RBMS3: variants seen among roughly 807,000 people sequenced by gnomAD.
RBMS3 encodes the protein RNA-binding motif, single-stranded-interacting protein 3.
A neutral mutation model predicts 66.8 loss-of-function variants in RBMS3; 27 were observed. That is an observed-to-expected ratio of 0.40 (90% CI 0.30 to 0.56). RBMS3 has a LOEUF of 0.56. Ranked by LOEUF, RBMS3 falls within the 20% of genes least tolerant of loss-of-function variation. RBMS3 has a pLI of 0.40. For synonymous variants in RBMS3, 188 were observed against 183.0 expected (o/e 1.03, Z -0.22); for missense variants, 513 against 549.5 (o/e 0.93, Z 0.66).
At chr3:29,881,349 T>C (rs1340011327) in intron 7 of RBMS3, among the ~76,000 whole-genome samples, 2 of 152,164 alleles carry the variant, frequency 1.3e-5, no homozygotes, top group South Asian at 4.1e-4. Context: ...AATATTTATG[T>C]ATGTGTCTTG....
chr3:29,569,329 C>T (rs1437532338), intron 3 of RBMS3, among the ~76,000 whole-genome samples: 1 of 151,966 alleles, frequency 6.6e-6, no homozygotes, highest in Non-Finnish European at 1.5e-5. Context: ...AGTCATGAAC[C>T]TCCAGCAATT....
In RBMS3 at chr3:29,699,821, C is replaced by T. The variant is rs1411487321; in HGVS notation, c.400-39899C>T. On this transcript the variant is annotated intron_variant, in intron 4 of 14. Transcript: ENST00000383767. ...ACACTAAACCACAGTGCACATGTACCTACATTACCTGTCTGTGTAACCTCC... is the reference window on the plus strand; with the variant it reads ...ACACTAAACCACAGTGCACATGTACTTACATTACCTGTCTGTGTAACCTCC... 5.3e-5 allele frequency among the ~76,000 whole-genome samples: 8 copies of T among 152,240 alleles called. No homozygotes were observed. In the South Asian group the frequency reaches 1.7e-3, roughly 32 times the overall value.
chr3:29,576,842 A>G (rs527650586), intron 3 of RBMS3, among the ~76,000 whole-genome samples: 1 of 152,244 alleles, frequency 6.6e-6, no homozygotes, highest in South Asian at 2.1e-4. Context: ...AGCTTGTGGT[A>G]AATGCTGCCA....
chr3:29,860,900 C>G (rs925798647), intron 6 of RBMS3, among the ~76,000 whole-genome samples: 6 of 152,124 alleles, frequency 3.9e-5, no homozygotes, highest in African/African-American at 1.2e-4. Flanking sequence ...GGCAGAGCCT[C>G]GCTCTGTTGC....
chr3:29,687,044 A>G (rs1450691241), intron 4 of RBMS3, among the ~76,000 whole-genome samples: 1 of 152,196 alleles, frequency 6.6e-6, no homozygotes, highest in Non-Finnish European at 1.5e-5. Flanking sequence ...TAGTACTAGG[A>G]AAGAATGAGG....
chr3:29,391,428 T>C (rs1297258253), intron 1 of RBMS3, among the ~76,000 whole-genome samples: 1 of 152,016 alleles, frequency 6.6e-6, no homozygotes, highest in Admixed American at 6.6e-5. Flanking sequence ...AAGAAACTAT[T>C]CTAAACAAGC....
At chr3:29,830,848 C>T (rs555254007) in intron 6 of RBMS3, among the ~76,000 whole-genome samples, 1 of 152,174 alleles carries the variant, frequency 6.6e-6, no homozygotes, top group South Asian at 2.1e-4. Flanking sequence ...AAACACCCAA[C>T]AGAAAATAGA....
At chr3:29,497,973 ATTTTTTTTTTTTTTTTTTTTTTTT>A (rs779555263) in intron 3 of RBMS3, among the ~76,000 whole-genome samples, 5 of 43,416 alleles carry the variant, frequency 1.2e-4, no homozygotes, top group East Asian at 1.5e-3. Flanking sequence ...AAAAGTATTC[ATTTTTTTTTTTTTTTTTTTTTTTT>A]TTTTTTTTTT....
chr3:29,422,586 A>G (rs548162674), intron 1 of RBMS3, among the ~76,000 whole-genome samples: 3 of 152,090 alleles, frequency 2.0e-5, no homozygotes, highest in South Asian at 4.1e-4. Flanking sequence ...AATATTTTAT[A>G]AGTTTCTTAT....
At chr3:29,560,856 C>A (rs999787450) in intron 3 of RBMS3, among the ~76,000 whole-genome samples, 2 of 152,140 alleles carry the variant, frequency 1.3e-5, no homozygotes, top group African/African-American at 4.8e-5. Flanking sequence ...GCCTAGTACC[C>A]ATTAGTTATT....
chr3:29,420,639 CAG>C (rs752451986), intron 1 of RBMS3, among the ~76,000 whole-genome samples: 8 of 149,902 alleles, frequency 5.3e-5, no homozygotes, highest in African/African-American at 1.5e-4. Context: ...TTTTTTCTCG[CAG>C]AGTTTCAGAA....
chr3:29,847,805 G>A (rs985608254), intron 6 of RBMS3, among the ~76,000 whole-genome samples: 2 of 152,140 alleles, frequency 1.3e-5, no homozygotes, highest in Admixed American at 6.5e-5. Context: ...ACAGGCGCTC[G>A]CCGTCACGCC....
intron 12 of RBMS3, among the ~76,000 whole-genome samples, chr3:29,959,941 GA>G (rs2149733227): frequency 6.6e-6 from 1 of 152,076 alleles, no homozygotes; most frequent in South Asian, 2.1e-4. Flanking sequence ...TTTGGGTGGG[GA>G]CATACCCAAA....
chr3:29,667,370 C>T (rs547540303), intron 4 of RBMS3, among the ~76,000 whole-genome samples: 12 of 152,152 alleles, frequency 7.9e-5, no homozygotes, highest in Admixed American at 1.3e-4. Flanking sequence ...GACCAAACAA[C>T]GTCAGTATAC....
At chr3:29,904,792 A>G (rs2060336424) in intron 10 of RBMS3, among the ~76,000 whole-genome samples, 1 of 151,902 alleles carries the variant, frequency 6.6e-6, no homozygotes, top group Non-Finnish European at 1.5e-5. Flanking sequence ...TCTGAATCCT[A>G]TGAGTTGAGT....
chr3:29,359,838 G>T (rs2037457773), intron 1 of RBMS3, among the ~76,000 whole-genome samples: 2 of 152,094 alleles, frequency 1.3e-5, no homozygotes, highest in South Asian at 2.1e-4. Flanking sequence ...TTGCGTAGAG[G>T]TGTTTATAGT....
intron 4 of RBMS3, among the ~76,000 whole-genome samples, chr3:29,695,596 A>G (rs1352471097): frequency 1.3e-5 from 2 of 152,142 alleles, no homozygotes; most frequent in Non-Finnish European, 2.9e-5. Context: ...CAAAATTTTA[A>G]GTGAAATCTC....
rs539493536 is a variant in RBMS3, at chr3:29,737,815, G to A, written c.400-1905G>A. On this transcript the variant is annotated intron_variant, in intron 4 of 14. Coordinates refer to ENST00000383767, the MANE Select transcript of RBMS3 (RefSeq NM_001003793.3). Reference sequence around the variant, plus strand: ...GTTACTGGTGGTGATATTGATGATGGTGGTGGTGATAGTGGAGTGTGTGTG... The same window carrying A: ...GTTACTGGTGGTGATATTGATGATGATGGTGGTGATAGTGGAGTGTGTGTG... 1.5e-4 allele frequency among the ~76,000 whole-genome samples: 23 copies of A among 148,948 alleles called. 1 individual carries two copies. Among genetic ancestry groups the A allele is most frequent in the Middle Eastern group, 6.9e-3 (2 of 290 alleles).
intron 1 of RBMS3, among the ~76,000 whole-genome samples, chr3:29,300,467 T>G (rs573814299): frequency 6.6e-6 from 1 of 152,034 alleles, no homozygotes; most frequent in East Asian, 1.9e-4. Flanking sequence ...AGAACTACTA[T>G]GCAGCCATGA....
Sources: gnomAD v4.1 joint callset for allele counts (sites outside exome capture counted in the v4.1 genomes callset) on GRCh38, gnomAD v4.1.1 for gene constraint, MANE v1.5 for transcripts, NCBI Gene and HGNC (gene_info 2026-07-23, HGNC 2026-07-21) for gene names.